The following MMP9 variants were observed in gnomAD, a reference collection of about 807,000 sequenced individuals.
MMP9 encodes matrix metallopeptidase 9, also known as matrix metalloproteinase-9.
In MMP9, 73 loss-of-function variants were observed where a neutral mutation model predicts 76.4. That is an observed-to-expected ratio of 0.96 (90% CI 0.79 to 1.16). The LOEUF (loss-of-function observed/expected upper bound fraction) is 1.16. MMP9 is among the 50% of genes most tolerant of loss of function. The pLI, the probability that MMP9 is intolerant of heterozygous loss-of-function variation, is 0.00. For missense variants in MMP9, 943 were observed against 973.0 expected, an observed-to-expected ratio of 0.97 and a Z score of 0.41; for synonymous variants, 412 against 408.4, an observed-to-expected ratio of 1.01 and a Z score of -0.11.
rs202215075 is a variant in MMP9, at chr20:46,016,273, C to A, written c.2029C>A (p.Arg677Ser). 2 of 1,614,188 alleles carry A rather than the reference C, an allele frequency of 1.2e-6. No homozygotes were observed. Among genetic ancestry groups the A allele is most frequent in the Non-Finnish European group, 1.7e-6 (2 of 1,180,040 alleles). Residue 677 changes from arginine to serine, a missense_variant, in exon 13 of 13, where the codon CGC becomes AGC. By Grantham distance (110) the Arg-to-Ser change is moderately radical. Transcript: ENST00000372330. ...AGAGAAAGCCTATTTCTGCCAGGACCGCTTCTACTGGCGCGTGAGTTCCCG... is the reference window on the plus strand; with the variant it reads ...AGAGAAAGCCTATTTCTGCCAGGACAGCTTCTACTGGCGCGTGAGTTCCCG... ...YREKAYFCQD[R>S]FYWRVSSRSE...
At chr20:46,011,826 A>T in intron 6 of MMP9, 79 bp downstream of exon 6, 1 of 1,503,766 alleles carries the variant, frequency 6.6e-7, no homozygotes, top group Admixed American at 1.9e-5. Flanking sequence ...CTTCCCTCCC[A>T]TCAGTTTGTC....
intron 12 of MMP9, chr20:46,014,750 C>G (rs1039781375): frequency 1.9e-6 from 1 of 524,012 alleles, no homozygotes; most frequent in Admixed American, 3.2e-5. Context: ...AGTTATTAGA[C>G]AACAGTCATC....
chr20:46,013,756 C>G lies in MMP9; in HGVS notation c.1710C>G (p.Val570=), dbSNP rs146961494. 93 of 1,613,662 alleles carry G rather than the reference C, an allele frequency of 5.8e-5. No individual in the cohort carries two copies. In the African/African-American group the frequency reaches 1.1e-3, roughly 18 times the overall value. The change falls in exon 10 of 13, where the codon GTC becomes GTG. Residue 570 remains valine, a synonymous_variant. Coordinates refer to ENST00000372330, the MANE Select transcript of MMP9 (RefSeq NM_004994.3). This position sits in a 1 kb window ranked among gnomAD's most constrained non-coding sequence, Gnocchi z 4.5. ...WPALPRKLDS[V]FEERLSKKLF... is the part of the protein sequence containing the mutation. ...CGCTGCCCCGCAAGCTGGACTCGGT[C>G]TTTGAGGAGCGGCTCTCCAAGAAGC...
chr20:46,010,760 C>A, intron 3 of MMP9, 129 bp downstream of exon 3: 1 of 1,543,080 alleles, frequency 6.5e-7, no homozygotes. Context: ...GCTTATACGG[C>A]CCCTCCTGCC....
rs1195542011 is a variant in MMP9, at chr20:46,011,749, T to G, written c.997+2T>G. The G allele has an allele frequency of 1.2e-6, 2 of 1,609,894 alleles. No homozygotes were observed. The highest frequency in any genetic ancestry group is 1.7e-6 in the Non-Finnish European group (2 of 1,179,550). ...TCTTCGGCTTCTGCCCGACCCGAGG[T>G]ACCTCCACCCTGTCTACCAGGTTCA... On this transcript the variant is annotated splice_donor_variant, in intron 6 of 12. Transcript: ENST00000372330. LOFTEE classifies it high-confidence loss of function.
intron 12 of MMP9, among the ~76,000 whole-genome samples, chr20:46,015,641 C>T (rs540388522): frequency 2.0e-4 from 31 of 151,948 alleles, no homozygotes; most frequent in Admixed American, 1.1e-3. Flanking sequence ...TTAGTAGAGA[C>T]GGGGTTTCAC....
At position 46,010,610 on chromosome 20, in the gene MMP9, G is replaced by A; in HGVS notation, c.499G>A (p.Val167Ile). ...TRVYSRDADI[V>I]IQFGVAEHGD... is the part of the protein sequence containing the mutation. ...CGTGTACAGCCGGGACGCAGACATC[G>A]TCATCCAGTTTGGTGTCGCGGGTGA... The change falls in exon 3 of 13, where the codon GTC becomes ATC. Residue 167 changes from valine to isoleucine, a missense_variant. By Grantham distance (29) the Val-to-Ile change is conservative (BLOSUM62 3). Transcript: ENST00000372330. 6.2e-7 allele frequency: 1 copy of A among 1,613,842 alleles called. No homozygotes were observed. Among genetic ancestry groups the A allele is most frequent in the Non-Finnish European group, 8.5e-7 (1 of 1,179,842 alleles).
chr20:46,014,170 G>A lies in MMP9; in HGVS notation c.1797G>A (p.Arg599=), dbSNP rs1341882486. Reference sequence around the variant, plus strand: ...CAGGCGCGTCGGTGCTGGGCCCGAGGCGTCTGGACAAGCTGGGCCTGGGAG... The same window carrying A: ...CAGGCGCGTCGGTGCTGGGCCCGAGACGTCTGGACAAGCTGGGCCTGGGAG... ...VYTGASVLGP[R]RLDKLGLGAD... The change falls in exon 11 of 13, where the codon AGG becomes AGA. Residue 599 remains arginine, a synonymous_variant. Transcript: ENST00000372330. The A allele has an allele frequency of 1.3e-6, 2 of 1,538,340 alleles. No individual in the cohort carries two copies. Among genetic ancestry groups the A allele is most frequent in the Non-Finnish European group, 8.7e-7 (1 of 1,146,282 alleles).
intron 12 of MMP9, among the ~76,000 whole-genome samples, chr20:46,015,533 C>T (rs2084314699): frequency 6.6e-6 from 1 of 150,630 alleles, no homozygotes; most frequent in African/African-American, 2.4e-5. Context: ...TCACTGCAAC[C>T]TCCGCCTCCC....
chr20:46,013,887 G>C lies in MMP9; in HGVS notation c.1750+91G>C. ...ATCGATAACCCACGAAACGTCTTGT[G>C]CGTTTTAGAAAAATACGCCCCCTGG... is the stretch of plus-strand genomic sequence containing the variant. On this transcript the variant is annotated intron_variant, in intron 10 of 12. Transcript: ENST00000372330. The surrounding 1 kb of genome is among the most constrained non-coding windows in gnomAD (Gnocchi z 4.5). 6.4e-7 allele frequency: 1 copy of C among 1,562,832 alleles called. No homozygotes were observed. Among genetic ancestry groups the C allele is most frequent in the East Asian group, 2.3e-5 (1 of 43,338 alleles).
In MMP9 at chr20:46,010,567, G is replaced by A. The variant is rs1307424734; in HGVS notation, c.456G>A (p.Thr152=). The A allele has an allele frequency of 6.2e-7, 1 of 1,614,052 alleles. No homozygotes were observed. Among genetic ancestry groups the A allele is most frequent in the Non-Finnish European group, 8.5e-7 (1 of 1,180,040 alleles). ...ARAFALWSAV[T]PLTFTRVYSR... is the part of the protein sequence containing the mutation. ...CCTTCGCACTGTGGAGCGCGGTGAC[G>A]CCGCTCACCTTCACTCGCGTGTACA... is the stretch of plus-strand genomic sequence containing the variant. Residue 152 remains threonine (T), a synonymous_variant, in exon 3 of 13, where the codon ACG becomes ACA. Transcript: ENST00000372330.
Position 46,010,510 on chromosome 20 carries a change from G to A in MMP9, c.399G>A (p.Pro133=). Reference sequence around the variant, plus strand: ...TCCAAAACTACTCGGAAGACTTGCCGCGGGCGGTGATTGACGACGCCTTTG... The same window carrying A: ...TCCAAAACTACTCGGAAGACTTGCCACGGGCGGTGATTGACGACGCCTTTG... The part of the protein sequence containing the change: ...YWIQNYSEDL[P]RAVIDDAFAR... The change falls in exon 3 of 13, where the codon CCG becomes CCA. Residue 133 remains proline, a synonymous_variant. Coordinates refer to ENST00000372330, the MANE Select transcript of MMP9 (RefSeq NM_004994.3). 1 of 1,614,186 alleles carries A rather than the reference G, an allele frequency of 6.2e-7. No individual in the cohort carries two copies. The highest frequency in any genetic ancestry group is 8.5e-7 in the Non-Finnish European group (1 of 1,180,048).
At chr20:46,015,686 C>T (rs1369997313) in intron 12 of MMP9, among the ~76,000 whole-genome samples, 2 of 151,954 alleles carry the variant, frequency 1.3e-5, no homozygotes, top group Admixed American at 1.3e-4. Context: ...CTCCTGACCT[C>T]GTGATCCACC....
At position 46,010,333 on chromosome 20, in the gene MMP9, A is replaced by AAAAAAAAAAAAAAAAAAAAAAAC. The variant is rs796972949; in HGVS notation, c.372-142_372-141insAAAAAAAAAAAAAACAAAAAAAA. The AAAAAAAAAAAAAAAAAAAAAAAC allele has an allele frequency of 6.3e-5, 52 of 828,856 alleles. 1 individual carries two copies. The African/African-American group carries it at 9.7e-4, about 15-fold the overall frequency. 51.3% of individuals were successfully genotyped at this position (828,856 alleles called of 1,614,324 possible). A position where few individuals can be genotyped will look rare whatever the true frequency, so the allele number is the denominator to read the frequency against. On this transcript the variant is annotated intron_variant, in intron 2 of 12. Transcript: ENST00000372330. ...GGGTCTAAGTAGACAAAAAAAAAAA[A>AAAAAAAAAAAAAAAAAAAAAAAC]AAAAAAAACAGTCTGGAAGCAATTT... is the stretch of plus-strand genomic sequence containing the variant.
rs1038064393 is a variant in MMP9 at position 46,013,495 on chromosome 20, T to C, written c.1571T>C (p.Ile524Thr). Residue 524 changes from isoleucine (I) to threonine (T), a missense_variant, in exon 9 of 13, where the codon ATC (isoleucine) becomes ACC (threonine). By Grantham distance (89) the Ile-to-Thr change is moderately conservative (BLOSUM62 -1). Transcript: ENST00000372330. This position sits in a 1 kb window ranked among gnomAD's most constrained non-coding sequence, Gnocchi z 4.5. ...TGCAACGTGAACATCTTCGACGCCA[T>C]CGCGGAGATTGGGAACCAGCTGTAT... ...DACNVNIFDAIAEIGNQLYLF... is the reference protein window; with the variant it reads ...DACNVNIFDATAEIGNQLYLF... 1 of 1,614,104 alleles carries C rather than the reference T, an allele frequency of 6.2e-7. No homozygotes were observed.
At chr20:46,014,059 C>T (rs1263293259) in intron 10 of MMP9, 65 bp from the exon 11 acceptor site, 5 of 1,530,270 alleles carry the variant, frequency 3.3e-6, no homozygotes, top group Admixed American at 2.0e-5. Flanking sequence ...AATCTCCCTC[C>T]TCGCGTTCTA....
Position 46,011,043 on chromosome 20 carries a change from G to T in MMP9, c.642G>T (p.Lys214Asn). 6.2e-7 allele frequency: 1 copy of T among 1,610,092 alleles called. No homozygotes were observed. The highest frequency in any genetic ancestry group is 1.1e-5 in the South Asian group (1 of 90,578). Residue 214 changes from lysine to asparagine, a missense_variant, in exon 4 of 13, where the codon AAG becomes AAT. Lys to Asn is a moderately conservative substitution (Grantham distance 94). Coordinates refer to ENST00000372330, the MANE Select transcript of MMP9 (RefSeq NM_004994.3). Reference protein sequence around the residue: ...FDDDELWSLGKGVVVPTRFGN... With the variant: ...FDDDELWSLGNGVVVPTRFGN... ...ATGACGAGTTGTGGTCCCTGGGCAA[G>T]GGCGTCGGTGAGATTCTGAGTCCTC...
rs199657984 is a variant in MMP9 at position 46,013,797 on chromosome 20, G to T, written c.1750+1G>T. ...TCCAAGAAGCTTTTCTTCTTCTCTGGTTAGTTACCTACTTTCCCTCCCCCG... is the reference window on the plus strand; with the variant it reads ...TCCAAGAAGCTTTTCTTCTTCTCTGTTTAGTTACCTACTTTCCCTCCCCCG... On this transcript the variant is annotated splice_donor_variant, in intron 10 of 12. Transcript: ENST00000372330. LOFTEE classifies it high-confidence loss of function. The surrounding 1 kb of genome is among the most constrained non-coding windows in gnomAD (Gnocchi z 4.5). 6 of 1,612,526 alleles carry T rather than the reference G, an allele frequency of 3.7e-6. 1 individual carries two copies. The South Asian group carries it at 4.4e-5, about 12-fold the overall frequency.
At position 46,009,881 on chromosome 20, in the gene MMP9, T is replaced by TA; in HGVS notation, c.155dup (p.Tyr52Ter). The TA allele has an allele frequency of 6.4e-7, 1 of 1,551,966 alleles. No individual in the cohort carries two copies. Among genetic ancestry groups the TA allele is most frequent in the Non-Finnish European group, 8.7e-7 (1 of 1,147,100 alleles). The change falls in exon 2 of 13, where the codon TAT becomes TAAT. Residue 52 changes from tyrosine (Y) to a stop codon, truncating the protein, a stop_gained and frameshift_variant. Transcript: ENST00000372330. LOFTEE classifies it high-confidence loss of function. ...RQLAEEYLYR[Y>*]GYTRVAEMRG... is the part of the protein sequence containing the mutation. ...TCATCCACAGGAATACCTGTACCGC[T>TA]ATGGTTACACTCGGGTGGCAGAGAT...
Sources: gnomAD v4.1 joint callset for allele counts (sites outside exome capture counted in the v4.1 genomes callset) on GRCh38, gnomAD v4.1.1 for gene constraint, Gnocchi (gnomAD v3.1) non-coding constraint, MANE v1.5 for transcripts, NCBI Gene and HGNC (gene_info 2026-07-23, HGNC 2026-07-21) for gene names.